PKHD1: variants seen among roughly 807,000 people sequenced by gnomAD.
PKHD1 encodes PKHD1 ciliary IPT domain containing fibrocystin/polyductin.
Under a neutral mutation model 412.0 loss-of-function variants are expected in PKHD1, and 291 were observed. The ratio of observed to expected loss-of-function variants is 0.71; its 90% CI spans 0.64 to 0.78. PKHD1 has a LOEUF of 0.78. Ranked by LOEUF, PKHD1 falls within the 30% of genes least tolerant of loss-of-function variation. The probability of loss-of-function intolerance (pLI) is 0.00; values close to 1 mark genes in which losing one functional copy is unlikely to be tolerated. For synonymous variants in PKHD1, 1,777 were observed against 1,821.5 expected (o/e 0.98, Z 0.62); for missense variants, 4,825 against 4,950.7 (o/e 0.97, Z 0.76).
chr6:51,655,626 G>T (rs990469754), intron 61 of PKHD1, among the ~76,000 whole-genome samples: 2 of 152,116 alleles, frequency 1.3e-5, no homozygotes, highest in Non-Finnish European at 2.9e-5. Flanking sequence ...AATTACCACA[G>T]TCAGTGGCTT....
At chr6:51,905,195 C>T (rs1402542164) in intron 41 of PKHD1, among the ~76,000 whole-genome samples, 23 of 152,110 alleles carry the variant, frequency 1.5e-4, no homozygotes, top group Non-Finnish European at 1.0e-4. Flanking sequence ...TCAGTGAAAA[C>T]CTCTGATTTG....
chr6:51,755,084 A>C (rs1786740915), intron 55 of PKHD1, 146 bp from the exon 56 acceptor site: 3 of 760,496 alleles, frequency 3.9e-6, no homozygotes, highest in Non-Finnish European at 6.9e-6. Context: ...CAGTGGAAAA[A>C]GGCTTTCGCA....
intron 60 of PKHD1, among the ~76,000 whole-genome samples, chr6:51,690,758 A>G (rs1778064125): frequency 6.6e-6 from 1 of 152,226 alleles, no homozygotes; most frequent in African/African-American, 2.4e-5. Context: ...GGCATGAGCA[A>G]AGATTTCATG....
intron 52 of PKHD1, among the ~76,000 whole-genome samples, chr6:51,818,161 C>T (rs931326720): frequency 1.3e-5 from 2 of 152,134 alleles, no homozygotes; most frequent in Non-Finnish European, 2.9e-5. Context: ...AGACACAGAG[C>T]GGGCCCCGGA....
chr6:51,765,321 CAG>C (rs1449116870), intron 55 of PKHD1, among the ~76,000 whole-genome samples: 1 of 152,104 alleles, frequency 6.6e-6, no homozygotes, highest in Non-Finnish European at 1.5e-5. Context: ...ATCATCTACA[CAG>C]CCAGAGAAGT....
At chr6:51,634,087 C>G (rs1013212582) in intron 64 of PKHD1, among the ~76,000 whole-genome samples, 3 of 151,774 alleles carry the variant, frequency 2.0e-5, no homozygotes, top group African/African-American at 4.8e-5. Flanking sequence ...TGTTTATGAA[C>G]AGTTACAGCC....
intron 60 of PKHD1, among the ~76,000 whole-genome samples, chr6:51,694,968 G>C (rs1449392643): frequency 1.3e-5 from 2 of 151,978 alleles, no homozygotes; most frequent in East Asian, 3.9e-4. Context: ...TGGAAATTCT[G>C]CTGGGATCTA....
chr6:51,920,124 A>C (rs1279020460), intron 37 of PKHD1, among the ~76,000 whole-genome samples: 1 of 152,134 alleles, frequency 6.6e-6, no homozygotes, highest in Non-Finnish European at 1.5e-5. Context: ...TTATTTCTTT[A>C]TCCTGCCTGA....
rs1766265856 is a variant in PKHD1 at position 51,618,843 on chromosome 6, G to A, written c.*238C>T. The A allele has an allele frequency of 1.8e-6, 1 of 559,488 alleles. No homozygotes were observed. The highest frequency in any genetic ancestry group is 3.2e-6 in the Non-Finnish European group (1 of 313,060). 34.7% of individuals were successfully genotyped at this position (559,488 alleles called of 1,614,324 possible). On this transcript the variant is annotated 3_prime_UTR_variant, in exon 67 of 67. Coordinates refer to ENST00000371117, the MANE Select transcript of PKHD1 (RefSeq NM_138694.4). ...AAAAACTGGTAAATAATTAACAAGT[G>A]CCATTATTTGCCTAGCATTGAACTA...
intron 60 of PKHD1, among the ~76,000 whole-genome samples, chr6:51,727,766 C>G (rs573765460): frequency 1.3e-5 from 2 of 152,122 alleles, no homozygotes; most frequent in African/African-American, 4.8e-5. Flanking sequence ...TTCTTCCTGG[C>G]GTCTCCATTC....
At chr6:51,850,724 G>C (rs150731637) in intron 49 of PKHD1, among the ~76,000 whole-genome samples, 2 of 152,140 alleles carry the variant, frequency 1.3e-5, no homozygotes, top group Non-Finnish European at 2.9e-5. Context: ...GAATGCTTGT[G>C]ATTTTTGAAC....
chr6:51,901,814 T>A (rs1233992998), intron 43 of PKHD1, among the ~76,000 whole-genome samples: 1 of 152,146 alleles, frequency 6.6e-6, no homozygotes, highest in African/African-American at 2.4e-5. Flanking sequence ...GTATTTTTTT[T>A]CTAATTTTGT....
At chr6:51,673,473 C>T (rs146968370) in intron 60 of PKHD1, among the ~76,000 whole-genome samples, 76 of 152,320 alleles carry the variant, frequency 5.0e-4, no homozygotes, top group Non-Finnish European at 8.2e-4. Context: ...GACTCACTTG[C>T]TATAGCAAGT....
chr6:51,951,012 C>T (rs2127878435), intron 36 of PKHD1, among the ~76,000 whole-genome samples: 1 of 152,268 alleles, frequency 6.6e-6, no homozygotes, highest in South Asian at 2.1e-4. Context: ...ATATGAAACT[C>T]ATTAAGGTAA....
chr6:51,686,371 A>C (rs1205548843), intron 60 of PKHD1, among the ~76,000 whole-genome samples: 1 of 152,082 alleles, frequency 6.6e-6, no homozygotes. Context: ...AGCCACTCTG[A>C]CTTCCTTGCT....
intron 13 of PKHD1, among the ~76,000 whole-genome samples, chr6:52,064,154 T>A (rs1809134268): frequency 6.6e-6 from 1 of 152,228 alleles, no homozygotes; most frequent in South Asian, 2.1e-4. Flanking sequence ...CTGGGCAACT[T>A]TCCTTGTAGG....
intron 52 of PKHD1, among the ~76,000 whole-genome samples, chr6:51,806,507 A>C (rs1446542265): frequency 6.6e-6 from 1 of 152,134 alleles, no homozygotes. Flanking sequence ...TTTTAGTTTA[A>C]GATAACTGTA....
chr6:51,855,907 T>G lies in PKHD1; in HGVS notation c.7897A>C (p.Asn2633His). 1 of 1,613,494 alleles carries G rather than the reference T, an allele frequency of 6.2e-7. No homozygotes were observed. Among genetic ancestry groups the G allele is most frequent in the South Asian group, 1.1e-5 (1 of 91,056 alleles). The change falls in exon 49 of 67, where the codon AAC becomes CAC. Residue 2633 changes from asparagine (N) to histidine (H), a missense_variant. Asn to His is a moderately conservative substitution (Grantham distance 68). Coordinates refer to ENST00000371117, the MANE Select transcript of PKHD1 (RefSeq NM_138694.4). ...YSLQSENLWI[N>H]RSLQYSATFD... ...CCTTGGGTTACCTGCAGAGATCTGT[T>G]GATCCAAAGGTTCTCAGATTGCAAT... is the stretch of plus-strand genomic sequence containing the variant.
intron 27 of PKHD1, among the ~76,000 whole-genome samples, chr6:52,040,005 A>G (rs535495365): frequency 6.6e-4 from 101 of 152,338 alleles, no homozygotes; most frequent in Non-Finnish European, 1.2e-3. Context: ...CCAGATGTAA[A>G]AGGTCACATG....
Sources: allele counts gnomAD v4.1 joint callset (sites outside exome capture counted in the v4.1 genomes callset), GRCh38; gene constraint gnomAD v4.1.1; transcripts MANE v1.5; gene names NCBI Gene and HGNC (gene_info 2026-07-23, HGNC 2026-07-21).